CAPZA1: variants seen among roughly 807,000 people sequenced by gnomAD.
The protein encoded by CAPZA1 is F-actin-capping protein subunit alpha-1.
CAPZA1 carries 10 observed loss-of-function variants against 40.8 expected under a neutral mutation model. The ratio of observed to expected loss-of-function variants is 0.25; its 90% CI spans 0.15 to 0.42. The LOEUF is 0.42. Among genes scored for constraint, CAPZA1 ranks in the 10% least tolerant of loss-of-function variants. The pLI, the probability that CAPZA1 is intolerant of heterozygous loss-of-function variation, is 1.00. For synonymous variants in CAPZA1, 98 were observed against 115.0 expected, an observed-to-expected ratio of 0.85 and a Z score of 0.95; for missense variants, 277 against 353.8, an observed-to-expected ratio of 0.78 and a Z score of 1.74.
intron 7 of CAPZA1, among the ~76,000 whole-genome samples, chr1:112,665,993 G>A (rs945293761): frequency 3.9e-5 from 6 of 152,128 alleles, no homozygotes; most frequent in African/African-American, 1.4e-4. Context: ...CCTATAATAG[G>A]ATAACATCTG....
Position 112,648,061 on chromosome 1 carries a change from C to T in CAPZA1, c.103+788C>T, listed in dbSNP as rs192838880. Among the ~76,000 whole-genome samples, 87 of 152,234 alleles carry T rather than the reference C, an allele frequency of 5.7e-4. 1 individual carries two copies. The highest frequency in any genetic ancestry group is 5.4e-3 in the Admixed American group (82 of 15,288). ...TAATTTTATATTAGAAAGTTAGCTA[C>T]TCGAGAGGAACTGTATGATATTCCT... On this transcript the variant is annotated intron_variant, in intron 2 of 9. Coordinates refer to ENST00000263168, the MANE Select transcript of CAPZA1 (RefSeq NM_006135.3).
chr1:112,660,079 T>C (rs1158721073), intron 7 of CAPZA1, among the ~76,000 whole-genome samples: 2 of 151,876 alleles, frequency 1.3e-5, no homozygotes, highest in Admixed American at 1.3e-4. Flanking sequence ...TTAATAATAA[T>C]AATAATTATT....
intron 3 of CAPZA1, 153 bp downstream of exon 3, chr1:112,649,622 A>G: frequency 1.5e-6 from 1 of 648,512 alleles, no homozygotes; most frequent in Non-Finnish European, 2.7e-6. Flanking sequence ...ATTGGAGAAA[A>G]CATGTTCCCC....
chr1:112,642,182 C>G (rs1319480075), intron 1 of CAPZA1, among the ~76,000 whole-genome samples: 1 of 147,576 alleles, frequency 6.8e-6, no homozygotes, highest in Non-Finnish European at 1.5e-5. Flanking sequence ...ACATCACAGC[C>G]TCTGAAGACT....
At chr1:112,631,337 G>A (rs1670912283) in intron 1 of CAPZA1, among the ~76,000 whole-genome samples, 1 of 152,148 alleles carries the variant, frequency 6.6e-6, no homozygotes, top group Non-Finnish European at 1.5e-5. Context: ...TTTGCTTAGG[G>A]AAGAAAATTA....
intron 1 of CAPZA1, among the ~76,000 whole-genome samples, chr1:112,643,021 A>G (rs1025681157): frequency 6.6e-6 from 1 of 152,184 alleles, no homozygotes; most frequent in Admixed American, 6.5e-5. Context: ...AATTATGTAA[A>G]GATTACGGGA....
At position 112,653,329 on chromosome 1, in the gene CAPZA1, G is replaced by C. The variant is rs115417216; in HGVS notation, c.156-269G>C. On this transcript the variant is annotated intron_variant, in intron 3 of 9. Coordinates refer to ENST00000263168, the MANE Select transcript of CAPZA1 (RefSeq NM_006135.3). ...AACCAACTTTGGAATTGTCTAAGCA[G>C]AAGGTCTTTTGGAGCTCAGGAGCAG... Among the ~76,000 whole-genome samples the C allele has an allele frequency of 9.1e-4, 138 of 152,296 alleles. 1 individual carries two copies. Among genetic ancestry groups the C allele is most frequent in the African/African-American group, 3.2e-3 (133 of 41,566 alleles).
Position 112,667,125 on chromosome 1 carries a change from C to G in CAPZA1, c.637C>G (p.Gln213Glu). The change falls in exon 8 of 10, where the codon CAG (glutamine) becomes GAG (glutamate). Residue 213 changes from glutamine to glutamate, a missense_variant. Transcript: ENST00000263168. ...NVQLVSHKDV[Q>E]DSLTVSNEAQ... ...TCAGTTGGTTAGTCATAAAGATGTA[C>G]AGGATTCACTAACTGTTTCGGTGAG... The G allele has an allele frequency of 6.2e-7, 1 of 1,609,276 alleles. No homozygotes were observed. Among genetic ancestry groups the G allele is most frequent in the South Asian group, 1.1e-5 (1 of 90,750 alleles).
chr1:112,623,475 G>A (rs1384687857), intron 1 of CAPZA1, among the ~76,000 whole-genome samples: 1 of 151,288 alleles, frequency 6.6e-6, no homozygotes, highest in African/African-American at 2.4e-5. Flanking sequence ...GAGGTCGGGA[G>A]TTTGAGACCA....
Position 112,670,683 on chromosome 1 carries a change from A to T in CAPZA1, c.*551A>T, listed in dbSNP as rs1200709146. 1 of 152,560 alleles carries T rather than the reference A, an allele frequency of 6.6e-6. No individual in the cohort carries two copies. Among genetic ancestry groups the T allele is most frequent in the Admixed American group, 6.6e-5 (1 of 15,266 alleles). 9.5% of individuals were successfully genotyped at this position (152,560 alleles called of 1,614,324 possible). On this transcript the variant is annotated 3_prime_UTR_variant, in exon 10 of 10. Coordinates refer to ENST00000263168, the MANE Select transcript of CAPZA1 (RefSeq NM_006135.3). ...TCATAACTAATTTTCTAAAGTTTGG[A>T]TTGGGACTTTTCAGGTCCTTTTTGG...
At chr1:112,658,632 GT>G (rs576454821) in intron 5 of CAPZA1, among the ~76,000 whole-genome samples, 367 of 152,252 alleles carry the variant, frequency 2.4e-3, no homozygotes, top group African/African-American at 8.2e-3. Context: ...CTACCATCCT[GT>G]TTTGTCTTTC....
intron 5 of CAPZA1, among the ~76,000 whole-genome samples, chr1:112,655,755 GCTT>G (rs1671488257): frequency 6.6e-6 from 1 of 152,042 alleles, no homozygotes; most frequent in Non-Finnish European, 1.5e-5. Flanking sequence ...TAGAGACAGA[GCTT>G]CACCATGTTG....
At chr1:112,654,384 A>T in intron 4 of CAPZA1, 81 bp from the exon 5 acceptor site, 1 of 876,992 alleles carries the variant, frequency 1.1e-6, no homozygotes, top group Non-Finnish European at 1.8e-6. Flanking sequence ...CTGCCTCAGA[A>T]TTTTTATTGA....
In CAPZA1 at chr1:112,671,025, C is replaced by G. The variant is rs144340014; in HGVS notation, c.*893C>G. ...TTGTACTATAAGCAAATGAATTAAA[C>G]AGCTATGTAAATCATAAAGAAAAAC... On this transcript the variant is annotated 3_prime_UTR_variant, in exon 10 of 10. Coordinates refer to ENST00000263168, the MANE Select transcript of CAPZA1 (RefSeq NM_006135.3). 23 of 152,538 alleles carry G rather than the reference C, an allele frequency of 1.5e-4. No individual in the cohort carries two copies. Among genetic ancestry groups the G allele is most frequent in the Non-Finnish European group, 2.6e-4 (18 of 68,032 alleles). The allele number at this position is 152,538 out of a possible 1,614,324, so 9.4% of individuals were successfully genotyped here. A position where few individuals can be genotyped will look rare whatever the true frequency, so the allele number is the denominator to read the frequency against.
chr1:112,640,384 G>T (rs1428796752), intron 1 of CAPZA1, among the ~76,000 whole-genome samples: 1 of 117,572 alleles, frequency 8.5e-6, no homozygotes, highest in Non-Finnish European at 1.8e-5. Flanking sequence ...CCCCCACCCG[G>T]CCAGCCGCCC....
intron 3 of CAPZA1, chr1:112,649,712 CAG>C (rs1671347891): frequency 1.9e-6 from 1 of 520,056 alleles, no homozygotes; most frequent in Non-Finnish European, 3.3e-6. Flanking sequence ...CCGATTAAAG[CAG>C]AGTTTAATGT....
At chr1:112,656,784 T>C (rs1452861999) in intron 5 of CAPZA1, among the ~76,000 whole-genome samples, 1 of 152,138 alleles carries the variant, frequency 6.6e-6, no homozygotes, top group Admixed American at 6.5e-5. Flanking sequence ...TAGTAGTCCG[T>C]AATTTCATCT....
At chr1:112,619,944 G>T (rs757436909) in intron 1 of CAPZA1, 61 bp downstream of exon 1, 7 of 1,397,796 alleles carry the variant, frequency 5.0e-6, no homozygotes, top group Non-Finnish European at 7.0e-6. Flanking sequence ...GCCCGGCCCG[G>T]CTGCGTTGGG....
intron 5 of CAPZA1, among the ~76,000 whole-genome samples, chr1:112,658,434 T>C (rs1671539653): frequency 6.6e-6 from 1 of 152,252 alleles, no homozygotes; most frequent in Admixed American, 6.5e-5. Flanking sequence ...AATATAACTC[T>C]GACTTGTTGC....
Sources: gnomAD v4.1 joint callset for allele counts (sites outside exome capture counted in the v4.1 genomes callset) on GRCh38, gnomAD v4.1.1 for gene constraint, MANE v1.5 for transcripts, NCBI Gene and HGNC (gene_info 2026-07-23, HGNC 2026-07-21) for gene names.